Variants in GDPGP1 observed in about 807,000 individuals in gnomAD.
GDPGP1 encodes GDP-D-glucose phosphorylase 1, also known as GDP-D-glucose phosphorylase C15orf58.
A neutral mutation model predicts 19.2 loss-of-function variants in GDPGP1; 18 were observed. That is an observed-to-expected ratio of 0.94 (90% CI 0.65 to 1.39). The LOEUF (loss-of-function observed/expected upper bound fraction) is 1.39. Ranked by LOEUF, GDPGP1 falls within the 40% of genes most tolerant of loss-of-function variation. GDPGP1 has a pLI of 0.00. For missense variants in GDPGP1, 449 were observed against 490.5 expected, an observed-to-expected ratio of 0.92 and a Z score of 0.80; for synonymous variants, 219 against 208.9, an observed-to-expected ratio of 1.05 and a Z score of -0.42.
At chr15:90,237,278 T>C (rs1485264242) in intron 2 of GDPGP1, among the ~76,000 whole-genome samples, 5 of 127,774 alleles carry the variant, frequency 3.9e-5, no homozygotes, top group Non-Finnish European at 7.8e-5. Context: ...ATTTTCTTTT[T>C]TTCCCTTTTT....
Position 90,241,334 on chromosome 15 carries a change from T to C in GDPGP1, c.426T>C (p.Pro142=). 6.2e-7 allele frequency: 1 copy of C among 1,614,200 alleles called. No individual in the cohort carries two copies. Among genetic ancestry groups the C allele is most frequent in the South Asian group, 1.1e-5 (1 of 91,084 alleles). ...GEVLFRLHRE[P]DLPGTLLQED... is the part of the protein sequence containing the mutation. Reference sequence around the variant, plus strand: ...TCCTCTTCCGTTTGCACCGGGAGCCTGATCTCCCTGGGACTCTGCTGCAAG... The same window carrying C: ...TCCTCTTCCGTTTGCACCGGGAGCCCGATCTCCCTGGGACTCTGCTGCAAG... The change falls in exon 4 of 4, where the codon CCT becomes CCC. Residue 142 remains proline, a synonymous_variant. Transcript: ENST00000329600.
In GDPGP1 at chr15:90,240,968, C is replaced by T. The variant is rs757023586; in HGVS notation, c.60C>T (p.Asp20=). Residue 20 remains aspartate (D), a synonymous_variant, in exon 4 of 4, where the codon GAC becomes GAT. Coordinates refer to ENST00000329600, the MANE Select transcript of GDPGP1 (RefSeq NM_001013657.3). The stretch of plus-strand genomic sequence containing the variant: ...ATTTGCTGCCTCCCAACAATGAGGA[C>T]TGGGGCAGGCAAACCATTCCTGACT... The part of the protein sequence containing the change: ...TSYLLPPNNE[D]WGRQTIPDFV... 6.2e-7 allele frequency: 1 copy of T among 1,613,888 alleles called. No individual in the cohort carries two copies. The highest frequency in any genetic ancestry group is 1.1e-5 in the South Asian group (1 of 91,084).
In GDPGP1 at chr15:90,243,644, T is replaced by G. The variant is rs1275723265; in HGVS notation, c.*1578T>G. The stretch of plus-strand genomic sequence containing the variant: ...TGCCACCACACCTTGGTGCAGGTTT[T>G]TTTTTTTTTTTTTTTTTTTTTTTTT... On this transcript the variant is annotated 3_prime_UTR_variant, in exon 4 of 4. Transcript: ENST00000329600. 2.8e-5 allele frequency: 1 copy of G among 35,164 alleles called. No individual in the cohort carries two copies. The highest frequency in any genetic ancestry group is 5.0e-5 in the Non-Finnish European group (1 of 19,836). The allele number at this position is 35,164 out of a possible 1,614,324, so 2.2% of individuals were successfully genotyped here. A position where few individuals can be genotyped will look rare whatever the true frequency, so the allele number is the denominator to read the frequency against.
rs774819517 is a variant in GDPGP1 at position 90,240,932 on chromosome 15, C to T, written c.24C>T (p.Asn8=). The T allele has an allele frequency of 1.8e-5, 29 of 1,613,576 alleles. No homozygotes were observed. The highest frequency in any genetic ancestry group is 1.1e-4 in the African/African-American group (8 of 74,920). ...CTATGGCTCTTCCACATGATTCAAA[C>T]GAAACTTCCTATTTGCTGCCTCCCA... is the stretch of plus-strand genomic sequence containing the variant. MALPHDS[N]ETSYLLPPNN... Residue 8 remains asparagine, a synonymous_variant, in exon 4 of 4, where the codon AAC becomes AAT. Coordinates refer to ENST00000329600, the MANE Select transcript of GDPGP1 (RefSeq NM_001013657.3).
chr15:90,237,125 A>G (rs772414793), intron 2 of GDPGP1, among the ~76,000 whole-genome samples: 3 of 149,024 alleles, frequency 2.0e-5, no homozygotes, highest in Non-Finnish European at 4.5e-5. Flanking sequence ...CACCTGGCTA[A>G]TTTTTTTGTA....
rs368613499 is a variant in GDPGP1 at position 90,241,924 on chromosome 15, T to C, written c.1016T>C (p.Leu339Pro). 4 of 1,613,922 alleles carry C rather than the reference T, an allele frequency of 2.5e-6. No homozygotes were observed. In the African/African-American group the frequency reaches 4.0e-5, roughly 16 times the overall value. ...GCCCTCTGTGAGCTGGCTGGGCACCTCCCTGTCAAAACATCCCAGGACTTC... is the reference window on the plus strand; with the variant it reads ...GCCCTCTGTGAGCTGGCTGGGCACCCCCCTGTCAAAACATCCCAGGACTTC... ...NVALCELAGH[L>P]PVKTSQDFSS... Residue 339 changes from leucine to proline, a missense_variant, in exon 4 of 4, where the codon CTC (leucine) becomes CCC (proline). Transcript: ENST00000329600.
chr15:90,236,807 C>T (rs892748081), intron 2 of GDPGP1, among the ~76,000 whole-genome samples: 2 of 151,922 alleles, frequency 1.3e-5, no homozygotes, highest in Non-Finnish European at 2.9e-5. Context: ...AAGTGCTGAG[C>T]CACCACGCCC....
chr15:90,241,925 C>G lies in GDPGP1; in HGVS notation c.1017C>G (p.Leu339=). ...CCCTCTGTGAGCTGGCTGGGCACCT[C>G]CCTGTCAAAACATCCCAGGACTTCA... ...NVALCELAGH[L]PVKTSQDFSS... The change falls in exon 4 of 4, where the codon CTC becomes CTG. Residue 339 remains leucine (L), a synonymous_variant. Transcript: ENST00000329600. 6.2e-7 allele frequency: 1 copy of G among 1,614,104 alleles called. No homozygotes were observed.
At position 90,241,588 on chromosome 15, in the gene GDPGP1, G is replaced by C. The variant is rs764189936; in HGVS notation, c.680G>C (p.Arg227Thr). ...LHLHGYYLAH[R>T]LPVEQAPSEP... ...CTGCATGGCTATTACCTGGCCCACA[G>C]ACTGCCCGTGGAGCAGGCGCCAAGC... Residue 227 changes from arginine to threonine, a missense_variant, in exon 4 of 4, where the codon AGA becomes ACA. Physicochemically the swap from Arg to Thr is moderately conservative, Grantham distance 71. Transcript: ENST00000329600. The C allele has an allele frequency of 1.2e-6, 2 of 1,613,576 alleles. No individual in the cohort carries two copies. Among genetic ancestry groups the C allele is most frequent in the Non-Finnish European group, 1.7e-6 (2 of 1,180,048 alleles).
At chr15:90,239,465 A>T (rs993294906) in intron 3 of GDPGP1, among the ~76,000 whole-genome samples, 4 of 152,172 alleles carry the variant, frequency 2.6e-5, no homozygotes, top group African/African-American at 9.7e-5. Context: ...CAATCATGAC[A>T]GAAGGGGAAG....
rs1962773854 is a variant in GDPGP1 at position 90,242,005 on chromosome 15, C to A, written c.1097C>A (p.Pro366Gln). ...VALIQDCRLP[P>Q]SQAEDVQAAL... ...CTCATTCAGGACTGTCGGCTGCCCC[C>A]ATCCCAGGCAGAAGACGTACAGGCA... The change falls in exon 4 of 4, where the codon CCA becomes CAA. Residue 366 changes from proline to glutamine, a missense_variant. Transcript: ENST00000329600. 6.2e-7 allele frequency: 1 copy of A among 1,614,102 alleles called. No homozygotes were observed.
chr15:90,240,329 G>A (rs1192808743), intron 3 of GDPGP1, among the ~76,000 whole-genome samples: 4 of 151,796 alleles, frequency 2.6e-5, no homozygotes, highest in Non-Finnish European at 5.9e-5. Flanking sequence ...CCAATGTGGT[G>A]AAACCCTGCC....
At position 90,243,117 on chromosome 15, in the gene GDPGP1, A is replaced by G. The variant is rs1462242563; in HGVS notation, c.*1051A>G. ...TTTGATATCAAATGTTAGCACGGTA[A>G]TAGTGCCTGTGCCTCCAGTATTGAG... On this transcript the variant is annotated 3_prime_UTR_variant, in exon 4 of 4. Coordinates refer to ENST00000329600, the MANE Select transcript of GDPGP1 (RefSeq NM_001013657.3). 2 of 152,170 alleles carry G rather than the reference A, an allele frequency of 1.3e-5. No individual in the cohort carries two copies. Among genetic ancestry groups the G allele is most frequent in the African/African-American group, 4.8e-5 (2 of 41,420 alleles). 9.4% of individuals were successfully genotyped at this position (152,170 alleles called of 1,614,324 possible). A position where few individuals can be genotyped will look rare whatever the true frequency, so the allele number is the denominator to read the frequency against.
In GDPGP1 at chr15:90,241,571, C is replaced by A; in HGVS notation, c.663C>A (p.Gly221=). 6.2e-7 allele frequency: 1 copy of A among 1,613,356 alleles called. No individual in the cohort carries two copies. The highest frequency in any genetic ancestry group is 8.5e-7 in the Non-Finnish European group (1 of 1,180,042). Residue 221 remains glycine (G), a synonymous_variant, in exon 4 of 4, where the codon GGC becomes GGA. Transcript: ENST00000329600. Reference sequence around the variant, plus strand: ...CGGTGAACCACCTCCACCTGCATGGCTATTACCTGGCCCACAGACTGCCCG... The same window carrying A: ...CGGTGAACCACCTCCACCTGCATGGATATTACCTGGCCCACAGACTGCCCG... ...LASVNHLHLH[G]YYLAHRLPVE...
In GDPGP1 at chr15:90,241,066, C is replaced by T; in HGVS notation, c.158C>T (p.Ala53Val). The part of the protein sequence containing the change: ...WPRNAPGIPD[A>V]LPQSPFDAAL... Reference sequence around the variant, plus strand: ...AGGAATGCACCTGGCATCCCAGATGCTCTGCCACAATCTCCCTTTGATGCT... The same window carrying T: ...AGGAATGCACCTGGCATCCCAGATGTTCTGCCACAATCTCCCTTTGATGCT... The change falls in exon 4 of 4, where the codon GCT becomes GTT. Residue 53 changes from alanine (A) to valine (V), a missense_variant. Coordinates refer to ENST00000329600, the MANE Select transcript of GDPGP1 (RefSeq NM_001013657.3). The T allele has an allele frequency of 6.2e-7, 1 of 1,614,178 alleles. No individual in the cohort carries two copies. Among genetic ancestry groups the T allele is most frequent in the Non-Finnish European group, 8.5e-7 (1 of 1,180,026 alleles).
At position 90,241,349 on chromosome 15, in the gene GDPGP1, T is replaced by C. The variant is rs112697825; in HGVS notation, c.441T>C (p.Thr147=). ...ACCGGGAGCCTGATCTCCCTGGGAC[T>C]CTGCTGCAAGAAGACATCCTGGTGG... is the stretch of plus-strand genomic sequence containing the variant. ...RLHREPDLPG[T]LLQEDILVVI... The change falls in exon 4 of 4, where the codon ACT becomes ACC. Residue 147 remains threonine, a synonymous_variant. Coordinates refer to ENST00000329600, the MANE Select transcript of GDPGP1 (RefSeq NM_001013657.3). 132 of 1,614,212 alleles carry C rather than the reference T, an allele frequency of 8.2e-5. No homozygotes were observed. The African/African-American group carries it at 1.5e-3, about 19-fold the overall frequency.
chr15:90,239,305 A>ATGTGTGTGTGTG (rs4031525), intron 3 of GDPGP1, among the ~76,000 whole-genome samples: 5,926 of 147,886 alleles, frequency 0.04, 151 homozygotes, highest in African/African-American at 0.068. Flanking sequence ...GAGACATAAA[A>ATGTGTGTGTGTG]TGTGTGTGTG....
Position 90,241,666 on chromosome 15 carries a change from C to G in GDPGP1, c.758C>G (p.Pro253Arg). The G allele has an allele frequency of 6.2e-7, 1 of 1,614,242 alleles. No homozygotes were observed. Among genetic ancestry groups the G allele is most frequent in the Non-Finnish European group, 8.5e-7 (1 of 1,180,032 alleles). The change falls in exon 4 of 4, where the codon CCT (proline) becomes CGT (arginine). Residue 253 changes from proline (P) to arginine (R), a missense_variant. Coordinates refer to ENST00000329600, the MANE Select transcript of GDPGP1 (RefSeq NM_001013657.3). ...HLHLLQDLPAPGFLFYTRGPG... is the reference protein window; with the variant it reads ...HLHLLQDLPARGFLFYTRGPG... ...CATCTGCTCCAGGACCTCCCAGCTC[C>G]TGGCTTCCTCTTTTACACTCGTGGG... is the stretch of plus-strand genomic sequence containing the variant.
At position 90,242,946 on chromosome 15, in the gene GDPGP1, G is replaced by T. The variant is rs1048320151; in HGVS notation, c.*880G>T. On this transcript the variant is annotated 3_prime_UTR_variant, in exon 4 of 4. Coordinates refer to ENST00000329600, the MANE Select transcript of GDPGP1 (RefSeq NM_001013657.3). ...AGCTGATAGTGGTCTCTTTAAAGGG[G>T]AGAAAATCTGGAATAATTCTACTGA... The T allele has an allele frequency of 1.3e-5, 2 of 152,150 alleles. No homozygotes were observed. The highest frequency in any genetic ancestry group is 4.8e-5 in the African/African-American group (2 of 41,424). 9.4% of individuals were successfully genotyped at this position (152,150 alleles called of 1,614,324 possible).
Sources: allele counts gnomAD v4.1 joint callset (sites outside exome capture counted in the v4.1 genomes callset), GRCh38; gene constraint gnomAD v4.1.1; transcripts MANE v1.5; gene names NCBI Gene and HGNC (gene_info 2026-07-23, HGNC 2026-07-21).